The following LPP variants were observed in gnomAD, a reference collection of about 807,000 sequenced individuals.
LPP encodes the protein lipoma-preferred partner.
In LPP, 38 loss-of-function variants were observed where a neutral mutation model predicts 60.4. That is an observed-to-expected ratio of 0.63 (90% CI 0.49 to 0.83). The LOEUF (loss-of-function observed/expected upper bound fraction) is 0.83. LPP is among the 40% of genes least tolerant of loss of function. LPP has a pLI of 0.00. For synonymous variants in LPP, 328 were observed against 290.8 expected (o/e 1.13, Z -1.30); for missense variants, 902 against 783.6 (o/e 1.15, Z -1.80).
At chr3:188,841,580 T>G (rs1760032662) in intron 9 of LPP, among the ~76,000 whole-genome samples, 2 of 152,124 alleles carry the variant, frequency 1.3e-5, no homozygotes, top group South Asian at 4.2e-4. Context: ...TCAGTAGAGA[T>G]GGGGTTTCAC....
chr3:188,386,268 A>G (rs865864971), intron 3 of LPP, among the ~76,000 whole-genome samples: 8 of 105,834 alleles, frequency 7.6e-5, no homozygotes, highest in African/African-American at 3.0e-4. Context: ...ATGCGCGCAC[A>G]CACACACACA....
At chr3:188,526,283 TTTC>T (rs1366865907) in intron 6 of LPP, among the ~76,000 whole-genome samples, 2 of 99,956 alleles carry the variant, frequency 2.0e-5, no homozygotes, top group African/African-American at 3.9e-5. Flanking sequence ...GTGGCAGCAC[TTTC>T]TTCTTCTTCT....
chr3:188,800,658 C>G (rs905328180), intron 9 of LPP, among the ~76,000 whole-genome samples: 2 of 152,118 alleles, frequency 1.3e-5, no homozygotes, highest in Admixed American at 1.3e-4. Flanking sequence ...CAAATTTATT[C>G]TTTTCAATGG....
chr3:188,339,692 A>G (rs940699354), intron 2 of LPP, among the ~76,000 whole-genome samples: 1 of 152,138 alleles, frequency 6.6e-6, no homozygotes, highest in African/African-American at 2.4e-5. Flanking sequence ...TGATCGGATT[A>G]CTTCTACCTG....
chr3:188,378,178 G>A (rs1266548078), intron 3 of LPP, among the ~76,000 whole-genome samples: 20 of 152,346 alleles, frequency 1.3e-4, no homozygotes. Context: ...GAGGCAGTCT[G>A]CCCATTCTCA....
intron 8 of LPP, among the ~76,000 whole-genome samples, chr3:188,752,310 T>C (rs1414363389): frequency 6.6e-6 from 1 of 152,200 alleles, no homozygotes; most frequent in African/African-American, 2.4e-5. Flanking sequence ...AGACCACTTA[T>C]CTAGTGAGTG....
chr3:188,356,390 A>C (rs1767619915), intron 3 of LPP, among the ~76,000 whole-genome samples: 3 of 152,134 alleles, frequency 2.0e-5, no homozygotes, highest in Admixed American at 2.0e-4. Context: ...TAGATCAGTG[A>C]ATTTTTAAAC....
intron 2 of LPP, among the ~76,000 whole-genome samples, chr3:188,279,227 C>T (rs981599898): frequency 6.6e-6 from 1 of 152,188 alleles, no homozygotes; most frequent in African/African-American, 2.4e-5. Flanking sequence ...AGCCATTATC[C>T]AAAGAGCTGG....
chr3:188,257,356 G>A (rs1732001346), intron 2 of LPP, among the ~76,000 whole-genome samples: 1 of 152,204 alleles, frequency 6.6e-6, no homozygotes, highest in Admixed American at 6.5e-5. Context: ...TGCACAGTGA[G>A]GGTGACGGTC....
chr3:188,576,648 C>G (rs1834685979), intron 6 of LPP, among the ~76,000 whole-genome samples: 1 of 152,142 alleles, frequency 6.6e-6, no homozygotes, highest in South Asian at 2.1e-4. Flanking sequence ...ATTAGCAACA[C>G]TGAATCTTAA....
intron 4 of LPP, among the ~76,000 whole-genome samples, chr3:188,435,684 G>A (rs1342349950): frequency 6.6e-6 from 1 of 152,044 alleles, no homozygotes; most frequent in Admixed American, 6.5e-5. Context: ...CATTTTTGGG[G>A]ATATTGGAAA....
chr3:188,267,112 A>C (rs1032324879), intron 2 of LPP, among the ~76,000 whole-genome samples: 9 of 152,154 alleles, frequency 5.9e-5, no homozygotes, highest in African/African-American at 2.2e-4. Context: ...GAGAACCCAG[A>C]GGGAGTGTGG....
intron 1 of LPP, among the ~76,000 whole-genome samples, chr3:188,204,017 G>C (rs1732441824): frequency 6.6e-6 from 1 of 152,124 alleles, no homozygotes; most frequent in Admixed American, 6.6e-5. Context: ...TATGCACTGG[G>C]AATTGGTGGG....
chr3:188,582,532 G>T (rs1836493604), intron 6 of LPP, among the ~76,000 whole-genome samples: 1 of 151,790 alleles, frequency 6.6e-6, no homozygotes, highest in African/African-American at 2.4e-5. Flanking sequence ...CTTTCCTAGG[G>T]CCTGCTCTTG....
At chr3:188,265,915 CT>C (rs1735382236) in intron 2 of LPP, among the ~76,000 whole-genome samples, 4 of 138,350 alleles carry the variant, frequency 2.9e-5, no homozygotes, top group African/African-American at 1.1e-4. Context: ...ATGTGTTTTG[CT>C]TTTACTTTAT....
intron 2 of LPP, among the ~76,000 whole-genome samples, chr3:188,327,306 A>C (rs2150455834): frequency 6.6e-6 from 1 of 152,292 alleles, no homozygotes; most frequent in East Asian, 1.9e-4. Flanking sequence ...TCTTTCGTGA[A>C]CATTGCCAAA....
chr3:188,732,898 T>G (rs2150064567), intron 8 of LPP, among the ~76,000 whole-genome samples: 1 of 152,138 alleles, frequency 6.6e-6, no homozygotes, highest in African/African-American at 2.4e-5. Context: ...GTATTAGAGT[T>G]GAGAAAGTTC....
chr3:188,302,864 C>G (rs1411374279), intron 2 of LPP, among the ~76,000 whole-genome samples: 1 of 152,172 alleles, frequency 6.6e-6, no homozygotes, highest in Non-Finnish European at 1.5e-5. Flanking sequence ...CTTGCTCCCT[C>G]CCTTTTTATC....
intron 4 of LPP, among the ~76,000 whole-genome samples, chr3:188,408,977 A>G (rs1302107037): frequency 6.6e-6 from 1 of 152,168 alleles, no homozygotes; most frequent in Non-Finnish European, 1.5e-5. Context: ...CATTGAAGCA[A>G]CAAGACATGG....
Sources: gnomAD v4.1 joint callset for allele counts (sites outside exome capture counted in the v4.1 genomes callset) on GRCh38, gnomAD v4.1.1 for gene constraint, MANE v1.5 for transcripts, NCBI Gene and HGNC (gene_info 2026-07-23, HGNC 2026-07-21) for gene names.